The following CISD1 variants were observed in gnomAD, a reference collection of about 807,000 sequenced individuals.
CISD1 encodes CDGSH iron sulfur domain 1, also known as CDGSH iron-sulfur domain-containing protein 1.
In CISD1, 8 loss-of-function variants were observed where a neutral mutation model predicts 12.0. The ratio of observed to expected loss-of-function variants is 0.67; its 90% CI spans 0.39 to 1.20. CISD1 has a LOEUF of 1.20. CISD1 is among the 50% of genes most tolerant of loss of function. The pLI, the probability that CISD1 is intolerant of heterozygous loss-of-function variation, is 0.01. For synonymous variants in CISD1, 38 were observed against 42.2 expected, an observed-to-expected ratio of 0.90 and a Z score of 0.39; for missense variants, 107 against 132.7, an observed-to-expected ratio of 0.81 and a Z score of 0.95.
At chr10:58,277,016 A>T in intron 1 of CISD1, 101 bp from the exon 2 acceptor site, 1 of 754,382 alleles carries the variant, frequency 1.3e-6, no homozygotes, top group Non-Finnish European at 2.2e-6. Context: ...TTGGACTATT[A>T]GGATGCTTAA....
At chr10:58,276,527 T>C (rs1157688474) in intron 1 of CISD1, among the ~76,000 whole-genome samples, 1 of 151,970 alleles carries the variant, frequency 6.6e-6, no homozygotes, top group Non-Finnish European at 1.5e-5. Context: ...CTGCTACATA[T>C]ATTCCTTTGA....
chr10:58,286,953 T>A (rs1019496975), intron 2 of CISD1, among the ~76,000 whole-genome samples: 2 of 152,180 alleles, frequency 1.3e-5, no homozygotes, highest in Admixed American at 1.3e-4. Context: ...TTTTATTTTT[T>A]ATTTTTATGT....
At chr10:58,277,948 T>G (rs375571895) in intron 2 of CISD1, among the ~76,000 whole-genome samples, 1 of 152,326 alleles carries the variant, frequency 6.6e-6, no homozygotes, top group East Asian at 1.9e-4. Context: ...TAAAAACTTA[T>G]GTGGTAAATG....
chr10:58,275,189 T>C (rs2132278577), intron 1 of CISD1, among the ~76,000 whole-genome samples: 1 of 152,344 alleles, frequency 6.6e-6, no homozygotes, highest in African/African-American at 2.4e-5. Context: ...CAGCAAATGT[T>C]GTGGTGCATA....
Position 58,288,270 on chromosome 10 carries a change from T to A in CISD1, c.*620T>A, listed in dbSNP as rs1207070008. On this transcript the variant is annotated 3_prime_UTR_variant, in exon 3 of 3. Transcript: ENST00000333926. ...GGTGGTAACTTCCTCATATTTATCT[T>A]CACAGATATTTAATGAAGATGGATC... The A allele has an allele frequency of 6.6e-6, 1 of 152,326 alleles. No homozygotes were observed. Among genetic ancestry groups the A allele is most frequent in the African/African-American group, 2.4e-5 (1 of 41,458 alleles). The allele number at this position is 152,326 out of a possible 1,614,324, so 9.4% of individuals were successfully genotyped here.
intron 1 of CISD1, among the ~76,000 whole-genome samples, 162 bp downstream of exon 1, chr10:58,269,466 A>G (rs1427254068): frequency 6.6e-6 from 1 of 152,188 alleles, no homozygotes; most frequent in Non-Finnish European, 1.5e-5. Context: ...TCCGGGCCGG[A>G]CAGCGAAAGG....
chr10:58,277,012 T>G (rs1350491915), intron 1 of CISD1, 105 bp from the exon 2 acceptor site: 9 of 733,694 alleles, frequency 1.2e-5, no homozygotes, highest in Non-Finnish European at 1.8e-5. Flanking sequence ...AACCTTGGAC[T>G]ATTAGGATGC....
At chr10:58,286,222 TAAAA>T (rs959400144) in intron 2 of CISD1, among the ~76,000 whole-genome samples, 14 of 142,360 alleles carry the variant, frequency 9.8e-5, no homozygotes, top group East Asian at 4.1e-4. Flanking sequence ...AAAAAAAAAG[TAAAA>T]AAAAGAAACA....
At chr10:58,283,422 G>A (rs564905967) in intron 2 of CISD1, among the ~76,000 whole-genome samples, 2 of 152,188 alleles carry the variant, frequency 1.3e-5, no homozygotes, top group African/African-American at 4.8e-5. Flanking sequence ...TCATTACTTC[G>A]TTTTCGTTCT....
At chr10:58,285,403 A>G (rs1489483218) in intron 2 of CISD1, among the ~76,000 whole-genome samples, 1 of 152,170 alleles carries the variant, frequency 6.6e-6, no homozygotes, top group East Asian at 1.9e-4. Context: ...TGCTCCCTTC[A>G]CTGCACGTAA....
intron 1 of CISD1, among the ~76,000 whole-genome samples, chr10:58,272,202 C>A (rs1304450673): frequency 1.3e-5 from 2 of 148,386 alleles, no homozygotes; most frequent in African/African-American, 5.1e-5. Context: ...AGCCTTAAGT[C>A]ACTCATAATT....
chr10:58,279,378 A>G (rs117629451), intron 2 of CISD1, among the ~76,000 whole-genome samples: 1,572 of 152,230 alleles, frequency 0.01, 20 homozygotes, highest in Non-Finnish European at 0.017. Flanking sequence ...CATTTTTATG[A>G]AAAGTCCCAA....
chr10:58,280,172 T>C (rs2132281784), intron 2 of CISD1, among the ~76,000 whole-genome samples: 1 of 152,322 alleles, frequency 6.6e-6, no homozygotes, highest in Admixed American at 6.5e-5. Context: ...GTTCTTGTAC[T>C]GCCCTTCCCC....
intron 2 of CISD1, among the ~76,000 whole-genome samples, chr10:58,282,071 C>T (rs1178783828): frequency 6.6e-6 from 1 of 151,914 alleles, no homozygotes; most frequent in Non-Finnish European, 1.5e-5. Context: ...AAGCAATTCT[C>T]GTGTTTCAGC....
chr10:58,277,214 T>C lies in CISD1; in HGVS notation c.129T>C (p.Ala43=), dbSNP rs763566486. Residue 43 remains alanine, a synonymous_variant, in exon 2 of 3, where the codon GCT becomes GCC. Coordinates refer to ENST00000333926, the MANE Select transcript of CISD1 (RefSeq NM_018464.5). ...RFYVKDHRNK[A]MINLHIQKDN... is the part of the protein sequence containing the mutation. ...ATGTTAAAGATCATCGAAATAAAGCTATGATAAACCTTCACATCCAGAAAG... is the reference window on the plus strand; with the variant it reads ...ATGTTAAAGATCATCGAAATAAAGCCATGATAAACCTTCACATCCAGAAAG... 6.2e-7 allele frequency: 1 copy of C among 1,613,026 alleles called. No homozygotes were observed. Among genetic ancestry groups the C allele is most frequent in the Non-Finnish European group, 8.5e-7 (1 of 1,179,374 alleles).
intron 1 of CISD1, among the ~76,000 whole-genome samples, chr10:58,271,602 T>C (rs896480533): frequency 7.9e-5 from 12 of 152,232 alleles, no homozygotes; most frequent in East Asian, 1.9e-4. Flanking sequence ...GGGAAAGATA[T>C]CATGTCTCTT....
At chr10:58,280,821 T>C (rs1035718006) in intron 2 of CISD1, among the ~76,000 whole-genome samples, 9 of 152,160 alleles carry the variant, frequency 5.9e-5, no homozygotes, top group African/African-American at 2.2e-4. Context: ...GATCTGGTAC[T>C]GAACATTGGC....
rs1445488284 is a variant in CISD1 at position 58,289,381 on chromosome 10, A to C, written c.*1731A>C. On this transcript the variant is annotated 3_prime_UTR_variant, in exon 3 of 3. Coordinates refer to ENST00000333926, the MANE Select transcript of CISD1 (RefSeq NM_018464.5). ...GGGGAACCTGGTACCAGTTCTCAAA[A>C]CTATAGGATTATATGAGTGTGTGTA... The C allele has an allele frequency of 1.3e-5, 2 of 152,112 alleles. No homozygotes were observed. The highest frequency in any genetic ancestry group is 2.9e-5 in the Non-Finnish European group (2 of 67,944). 9.4% of individuals were successfully genotyped at this position (152,112 alleles called of 1,614,324 possible). A position where few individuals can be genotyped will look rare whatever the true frequency, so the allele number is the denominator to read the frequency against.
intron 1 of CISD1, among the ~76,000 whole-genome samples, chr10:58,271,270 G>C (rs935702915): frequency 6.6e-6 from 1 of 151,490 alleles, no homozygotes; most frequent in Non-Finnish European, 1.5e-5. Context: ...TCGATCTCCT[G>C]ACCTCGTGAT....
Sources: allele counts gnomAD v4.1 joint callset (sites outside exome capture counted in the v4.1 genomes callset), GRCh38; gene constraint gnomAD v4.1.1; transcripts MANE v1.5; gene names NCBI Gene and HGNC (gene_info 2026-07-23, HGNC 2026-07-21).